TFB1M: variants seen among roughly 807,000 people sequenced by gnomAD.
TFB1M encodes dimethyladenosine transferase 1, mitochondrial.
TFB1M carries 27 observed loss-of-function variants against 31.1 expected under a neutral mutation model. The ratio of observed to expected loss-of-function variants is 0.87; its 90% CI spans 0.64 to 1.20. The LOEUF (loss-of-function observed/expected upper bound fraction) is 1.20, where lower values mean the gene tolerates loss of function less well. TFB1M is among the 50% of genes most tolerant of loss of function. The pLI, the probability that TFB1M is intolerant of heterozygous loss-of-function variation, is 0.00. For synonymous variants in TFB1M, 166 were observed against 151.8 expected (o/e 1.09, Z -0.69); for missense variants, 394 against 418.7 (o/e 0.94, Z 0.51).
the TFB1M span, chr6:155,240,719 G>T: frequency 2.0e-5 from 32 of 1,604,070 alleles, no homozygotes; most frequent in African/African-American, 4.0e-4. Flanking sequence ...GGTAAGGGAA[G>T]AGCTGGCATT....
chr6:155,296,687 A>AGTGGCATTGATGGCTGTTGCATCCCT (rs1777189887), intron 4 of TFB1M, among the ~76,000 whole-genome samples: 1 of 151,578 alleles, frequency 6.6e-6, no homozygotes, highest in African/African-American at 2.4e-5. Flanking sequence ...GTCTTTCTCC[A>AGTGGCATTGATGGCTGTTGCATCCCT]GTGGCATCGA....
At chr6:155,271,045 G>A (rs1003931347) in intron 5 of TFB1M, among the ~76,000 whole-genome samples, 2 of 152,190 alleles carry the variant, frequency 1.3e-5, no homozygotes, top group Non-Finnish European at 2.9e-5. Context: ...AGGAAAAAGA[G>A]TATCTTGCTC....
chr6:155,284,242 C>T (rs556379886), intron 5 of TFB1M, among the ~76,000 whole-genome samples: 1 of 152,330 alleles, frequency 6.6e-6, no homozygotes, highest in East Asian at 1.9e-4. Context: ...TGGTTAGGGT[C>T]TCCATTCTAA....
chr6:155,305,064 A>G lies in TFB1M; in HGVS notation c.285+6124T>C, dbSNP rs529364893. The stretch of plus-strand genomic sequence containing the variant: ...AGCTCAAAATGTATCAAAGACCTAA[A>G]TGTAAAAGCTAAAATTATAAAATAA... On this transcript the variant is annotated intron_variant, in intron 2 of 6. Coordinates refer to ENST00000367166, the MANE Select transcript of TFB1M (RefSeq NM_016020.4). 6.4e-5 allele frequency among the ~76,000 whole-genome samples: 9 copies of G among 140,858 alleles called. No homozygotes were observed. In the East Asian group the frequency reaches 1.8e-3, roughly 29 times the overall value. The allele number at this position is 140,858 out of a possible 152,430, so 92.4% of individuals were successfully genotyped here. A position where few individuals can be genotyped will look rare whatever the true frequency, so the allele number is the denominator to read the frequency against.
chr6:155,262,589 A>T (rs1386635455), intron 5 of TFB1M, among the ~76,000 whole-genome samples: 1 of 152,212 alleles, frequency 6.6e-6, no homozygotes, highest in Non-Finnish European at 1.5e-5. Context: ...CTCCAGAAGA[A>T]ATACTCTTAG....
the TFB1M span, among the ~76,000 whole-genome samples, chr6:155,250,361 G>A: frequency 2.6e-5 from 4 of 151,360 alleles, no homozygotes; most frequent in East Asian, 5.8e-4. Context: ...AGTCCAAGCA[G>A]GATTTGACAT....
At chr6:155,250,983 T>C in the TFB1M span, 1 of 1,614,186 alleles carries the variant, frequency 6.2e-7, no homozygotes. Context: ...TTTCTGTCTC[T>C]AGGAAAAGCT....
intron 2 of TFB1M, among the ~76,000 whole-genome samples, chr6:155,307,845 A>G (rs1401651656): frequency 6.6e-6 from 1 of 151,836 alleles, no homozygotes; most frequent in Non-Finnish European, 1.5e-5. Context: ...AAGTTTAAGA[A>G]TTTGTGTTGG....
intron 5 of TFB1M, among the ~76,000 whole-genome samples, chr6:155,279,370 G>A (rs1486901847): frequency 6.6e-6 from 1 of 152,160 alleles, no homozygotes; most frequent in Non-Finnish European, 1.5e-5. Flanking sequence ...AATGTCAGAA[G>A]CTGGTTAACG....
intron 5 of TFB1M, chr6:155,275,798 C>T: frequency 6.2e-7 from 1 of 1,614,132 alleles, no homozygotes; most frequent in African/African-American, 1.3e-5. Context: ...AGCCACTCTG[C>T]TGCCCAACTG....
At chr6:155,297,193 T>C in intron 3 of TFB1M, 89 bp from the exon 4 acceptor site, 7 of 1,377,284 alleles carry the variant, frequency 5.1e-6, no homozygotes, top group Non-Finnish European at 7.1e-6. Context: ...GACTGGATAT[T>C]AATAGCATCA....
chr6:155,243,997 C>T, the TFB1M span: 6 of 1,611,646 alleles, frequency 3.7e-6, no homozygotes, highest in Non-Finnish European at 5.1e-6. Flanking sequence ...ACACTTTCTT[C>T]TATTTTCTTT....
downstream of TFB1M, chr6:155,254,314 AGCCTGG>A: frequency 6.8e-7 from 1 of 1,460,582 alleles, no homozygotes; most frequent in Non-Finnish European, 9.3e-7. Context: ...GCTGGCTGGC[AGCCTGG>A]TCCAGCAGGT....
the TFB1M span, chr6:155,245,783 G>A: frequency 4.4e-5 from 42 of 963,770 alleles, no homozygotes; most frequent in Admixed American, 2.1e-4. Flanking sequence ...ATTTTTAACT[G>A]TTAGTAAAGG....
chr6:155,274,272 T>A (rs1785068772), intron 5 of TFB1M, among the ~76,000 whole-genome samples: 1 of 152,182 alleles, frequency 6.6e-6, no homozygotes, highest in South Asian at 2.1e-4. Context: ...TCAGAAACCA[T>A]TACATTTTTC....
intron 4 of TFB1M, among the ~76,000 whole-genome samples, chr6:155,286,051 C>G (rs1776613118): frequency 6.6e-6 from 1 of 152,014 alleles, no homozygotes; most frequent in Non-Finnish European, 1.5e-5. Context: ...GATGCAGGCC[C>G]AGACAGATCA....
the TFB1M span, chr6:155,250,420 C>A: frequency 5.7e-6 from 4 of 703,570 alleles, no homozygotes; most frequent in Middle Eastern, 4.0e-4. Flanking sequence ...GAATCTTGTG[C>A]TTCTCAAGCC....
the TFB1M span, chr6:155,244,507 A>T: frequency 1.1e-6 from 1 of 912,868 alleles, no homozygotes; most frequent in Non-Finnish European, 1.7e-6. Context: ...GCCATATCCC[A>T]TAATGAATGT....
At chr6:155,300,363 T>C (rs973949880) in intron 2 of TFB1M, among the ~76,000 whole-genome samples, 3 of 152,212 alleles carry the variant, frequency 2.0e-5, no homozygotes, top group African/African-American at 7.2e-5. Context: ...CACTAGTTAG[T>C]AAAACTTGAT....
Sources: gnomAD v4.1 joint callset for allele counts (sites outside exome capture counted in the v4.1 genomes callset) on GRCh38, gnomAD v4.1.1 for gene constraint, MANE v1.5 for transcripts, NCBI Gene and HGNC (gene_info 2026-07-23, HGNC 2026-07-21) for gene names.